ZNF10: variants seen among roughly 807,000 people sequenced by gnomAD.
The protein encoded by ZNF10 is zinc finger protein 10 (KOX 1).
ZNF10 carries 8 observed loss-of-function variants against 12.2 expected under a neutral mutation model. That is an observed-to-expected ratio of 0.66 (90% CI 0.39 to 1.18). ZNF10 has a LOEUF of 1.18. ZNF10 is among the 50% of genes most tolerant of loss of function. The pLI, the probability that ZNF10 is intolerant of heterozygous loss-of-function variation, is 0.01. For synonymous variants in ZNF10, 229 were observed against 228.2 expected, an observed-to-expected ratio of 1.00 and a Z score of -0.03; for missense variants, 603 against 678.9, an observed-to-expected ratio of 0.89 and a Z score of 1.24.
rs1270352052 is a variant in ZNF10, at chr12:133,156,077, C to T, written c.831C>T (p.Arg277=). Residue 277 remains arginine, a synonymous_variant, in exon 5 of 5, where the codon CGC becomes CGT. Transcript: ENST00000248211. ...CKECGKFFSW[R]SNLTRHQLIH... is the part of the protein sequence containing the mutation. ...AATGTGGAAAATTCTTCAGCTGGCG[C>T]TCTAATCTTACTAGGCATCAGCTTA... 6.2e-7 allele frequency: 1 copy of T among 1,613,276 alleles called. No individual in the cohort carries two copies. Among genetic ancestry groups the T allele is most frequent in the African/African-American group, 1.3e-5 (1 of 74,902 alleles).
chr12:133,150,067 G>A (rs575460901), intron 2 of ZNF10, among the ~76,000 whole-genome samples: 1 of 152,094 alleles, frequency 6.6e-6, no homozygotes, highest in Non-Finnish European at 1.5e-5. Flanking sequence ...AAATGTTACA[G>A]GTCTTTCTTT....
Position 133,159,246 on chromosome 12 carries a change from TTA to T in ZNF10, c.*2280_*2281del, listed in dbSNP as rs1956059085. 1.3e-5 allele frequency: 2 copies of T among 152,240 alleles called. No individual in the cohort carries two copies. The highest frequency in any genetic ancestry group is 2.1e-4 in the South Asian group (1 of 4,836). 9.4% of individuals were successfully genotyped at this position (152,240 alleles called of 1,614,324 possible). The stretch of plus-strand genomic sequence containing the variant: ...TGTATGAGGATGATCACTGAAATAT[TTA>T]TGACAGTGCATAATTTGCAAAATAA... On this transcript the variant is annotated 3_prime_UTR_variant, in exon 5 of 5. Transcript: ENST00000248211.
chr12:133,151,683 T>C, intron 3 of ZNF10, 126 bp from the exon 4 acceptor site: 1 of 556,874 alleles, frequency 1.8e-6, no homozygotes, highest in Non-Finnish European at 3.2e-6. Flanking sequence ...CCTGCCTCTG[T>C]CAACTTTAGA....
intron 1 of ZNF10, among the ~76,000 whole-genome samples, chr12:133,133,264 C>G (rs1444618322): frequency 6.6e-6 from 1 of 152,198 alleles, no homozygotes; most frequent in African/African-American, 2.4e-5. Flanking sequence ...GAAGCAAATA[C>G]TGGTAAACCT....
At chr12:133,132,620 A>G (rs1955887505) in intron 1 of ZNF10, among the ~76,000 whole-genome samples, 1 of 152,120 alleles carries the variant, frequency 6.6e-6, no homozygotes, top group Admixed American at 6.5e-5. Context: ...TCTTTCTAGC[A>G]TGTCTCATGT....
chr12:133,147,608 G>GTTTT (rs149592494), intron 2 of ZNF10, among the ~76,000 whole-genome samples: 21 of 117,094 alleles, frequency 1.8e-4, no homozygotes, highest in South Asian at 5.5e-4. Flanking sequence ...TGTTTTCTGA[G>GTTTT]TTTTTTTTTT....
intron 1 of ZNF10, among the ~76,000 whole-genome samples, chr12:133,136,522 A>G (rs1593838407): frequency 6.6e-6 from 1 of 151,750 alleles, no homozygotes; most frequent in African/African-American, 2.4e-5. Flanking sequence ...CTTCTCTTTT[A>G]TTTGCTTCCT....
intron 1 of ZNF10, among the ~76,000 whole-genome samples, chr12:133,137,709 T>C (rs1593838940): frequency 6.6e-6 from 1 of 152,180 alleles, no homozygotes; most frequent in Non-Finnish European, 1.5e-5. Flanking sequence ...TTAAATGCCT[T>C]GTTCACATTT....
chr12:133,143,750 C>T (rs891423836), intron 1 of ZNF10: 4 of 152,382 alleles, frequency 2.6e-5, no homozygotes, highest in Admixed American at 1.3e-4. Flanking sequence ...CTTATCAGCT[C>T]TGTTGGTCAG....
At chr12:133,155,183 A>G (rs1956031775) in intron 4 of ZNF10, among the ~76,000 whole-genome samples, 1 of 152,124 alleles carries the variant, frequency 6.6e-6, no homozygotes, top group Admixed American at 6.5e-5. Context: ...TAGACTGTTA[A>G]TATCTGGATT....
chr12:133,141,079 C>A (rs1229703826), intron 1 of ZNF10, among the ~76,000 whole-genome samples: 1 of 152,130 alleles, frequency 6.6e-6, no homozygotes, highest in Non-Finnish European at 1.5e-5. Flanking sequence ...TCTTCCAATT[C>A]CTGGAGCATT....
chr12:133,153,129 A>G (rs975708522), intron 4 of ZNF10, among the ~76,000 whole-genome samples: 7 of 152,020 alleles, frequency 4.6e-5, no homozygotes, highest in African/African-American at 1.7e-4. Flanking sequence ...GTATCCAAAA[A>G]TAACAATTAT....
intron 1 of ZNF10, among the ~76,000 whole-genome samples, chr12:133,136,773 A>G (rs1380287616): frequency 6.6e-6 from 1 of 152,132 alleles, no homozygotes; most frequent in Non-Finnish European, 1.5e-5. Flanking sequence ...AGGAGAATAT[A>G]GTTACTCTTA....
chr12:133,134,566 A>C (rs1955900369), intron 1 of ZNF10, among the ~76,000 whole-genome samples: 1 of 152,350 alleles, frequency 6.6e-6, no homozygotes, highest in East Asian at 1.9e-4. Flanking sequence ...TCTGACCTCC[A>C]GAATTGTTAT....
chr12:133,139,025 A>C (rs958279935), intron 1 of ZNF10, among the ~76,000 whole-genome samples: 4 of 152,230 alleles, frequency 2.6e-5, no homozygotes, highest in South Asian at 2.1e-4. Flanking sequence ...GTCAGCTAAA[A>C]TTTGTAACTG....
chr12:133,150,874 A>G (rs1213357697), intron 2 of ZNF10, 154 bp from the exon 3 acceptor site: 2 of 796,202 alleles, frequency 2.5e-6, no homozygotes, highest in Non-Finnish European at 3.6e-6. Flanking sequence ...AGACTTGACT[A>G]GAATAAATAC....
rs1956000348 is a variant in ZNF10 at position 133,150,460 on chromosome 12, TAC to T, written c.34-566_34-565del. 7.9e-5 allele frequency among the ~76,000 whole-genome samples: 12 copies of T among 152,302 alleles called. No homozygotes were observed. The South Asian group carries it at 2.3e-3, about 29-fold the overall frequency. Reference sequence around the variant, plus strand: ...TCACTCAAATAGGTTTTTCTCTAGATACAATCAACACTTATTTTTGATGTGGC... The same window carrying T: ...TCACTCAAATAGGTTTTTCTCTAGATAATCAACACTTATTTTTGATGTGGC... On this transcript the variant is annotated intron_variant, in intron 2 of 4. Transcript: ENST00000248211.
chr12:133,144,813 G>A (rs1026208371), intron 2 of ZNF10: 1 of 500,186 alleles, frequency 2.0e-6, no homozygotes, highest in African/African-American at 1.9e-5. Context: ...ATGGACTGGA[G>A]GCTAATACAA....
At chr12:133,146,285 G>C (rs1955975459) in intron 2 of ZNF10, among the ~76,000 whole-genome samples, 1 of 152,180 alleles carries the variant, frequency 6.6e-6, no homozygotes, top group Non-Finnish European at 1.5e-5. Context: ...GCCATATCCA[G>C]CTGGTGATCT....
Sources: gnomAD v4.1 joint callset for allele counts (sites outside exome capture counted in the v4.1 genomes callset) on GRCh38, gnomAD v4.1.1 for gene constraint, MANE v1.5 for transcripts, NCBI Gene and HGNC (gene_info 2026-07-23, HGNC 2026-07-21) for gene names.